DCC: variants seen among roughly 807,000 people sequenced by gnomAD.
DCC encodes DCC netrin 1 receptor, also known as netrin receptor DCC.
In DCC, 58 loss-of-function variants were observed where a neutral mutation model predicts 172.5. The observed-to-expected ratio is 0.34, with a 90% CI of 0.27 to 0.42. The LOEUF is 0.42. Among genes scored for constraint, DCC ranks in the 10% least tolerant of loss-of-function variants. The pLI is 1.00. For missense variants in DCC, 1,740 were observed against 1,791.0 expected (o/e 0.97, Z 0.51); for synonymous variants, 709 against 644.5 (o/e 1.10, Z -1.52).
intron 25 of DCC, among the ~76,000 whole-genome samples, chr18:53,475,812 A>G (rs1223477532): frequency 6.6e-6 from 1 of 152,124 alleles, no homozygotes; most frequent in South Asian, 2.1e-4. Context: ...AGACTCTGTA[A>G]TGGTAGATCC....
intron 1 of DCC, among the ~76,000 whole-genome samples, chr18:52,549,194 T>C (rs549929510): frequency 2.6e-5 from 4 of 152,204 alleles, no homozygotes; most frequent in African/African-American, 4.8e-5. Flanking sequence ...AATATATAGA[T>C]AAAAATTAAT....
At chr18:53,316,137 G>A (rs2057341092) in intron 13 of DCC, among the ~76,000 whole-genome samples, 1 of 152,180 alleles carries the variant, frequency 6.6e-6, no homozygotes, top group African/African-American at 2.4e-5. Context: ...CATATAAAGT[G>A]TAAGGAAGGG....
In DCC at chr18:52,719,195, A is replaced by G. The variant is rs372187797; in HGVS notation, c.92-32859A>G. 6.0e-4 allele frequency among the ~76,000 whole-genome samples: 74 copies of G among 124,288 alleles called. No individual in the cohort carries two copies. In the South Asian group the frequency reaches 8.0e-3, roughly 13 times the overall value. 81.5% of individuals were successfully genotyped at this position (124,288 alleles called of 152,430 possible). A position where few individuals can be genotyped will look rare whatever the true frequency, so the allele number is the denominator to read the frequency against. On this transcript the variant is annotated intron_variant, in intron 1 of 28. Transcript: ENST00000442544. ...TGGATTTAGGGCCTACCCTAAACACAGGATGATTTCATCCTGAGATCCTTA... is the reference window on the plus strand; with the variant it reads ...TGGATTTAGGGCCTACCCTAAACACGGGATGATTTCATCCTGAGATCCTTA...
chr18:53,163,369 AT>A (rs1478456093), intron 8 of DCC, among the ~76,000 whole-genome samples: 4 of 152,222 alleles, frequency 2.6e-5, no homozygotes, highest in Non-Finnish European at 2.9e-5. Context: ...TTAAAATTTT[AT>A]TCTAATATCT....
chr18:52,373,767 G>T (rs1250492213), intron 1 of DCC, among the ~76,000 whole-genome samples: 3 of 151,980 alleles, frequency 2.0e-5, no homozygotes, highest in Non-Finnish European at 1.5e-5. Context: ...TAGCCTAAAT[G>T]ATGCTAACAC....
At chr18:52,645,097 G>A (rs146225287) in intron 1 of DCC, among the ~76,000 whole-genome samples, 32 of 152,214 alleles carry the variant, frequency 2.1e-4, no homozygotes, top group Non-Finnish European at 4.0e-4. Context: ...TTTACATTGA[G>A]TTTTCTTGAG....
At chr18:53,265,739 T>C (rs1318370229) in intron 12 of DCC, among the ~76,000 whole-genome samples, 4 of 152,190 alleles carry the variant, frequency 2.6e-5, no homozygotes, top group African/African-American at 9.7e-5. Context: ...CTCCGATCTG[T>C]TATCTAGGGC....
At chr18:53,100,444 A>AAGGAGAAAGAAACTGTTC (rs2043154523) in intron 7 of DCC, among the ~76,000 whole-genome samples, 1 of 152,116 alleles carries the variant, frequency 6.6e-6, no homozygotes, top group Non-Finnish European at 1.5e-5. Flanking sequence ...AATAAATAGA[A>AAGGAGAAAGAAACTGTTC]AGGAGAAAGA....
intron 7 of DCC, among the ~76,000 whole-genome samples, chr18:53,088,084 G>A (rs1409303937): frequency 5.3e-5 from 8 of 152,106 alleles, no homozygotes; most frequent in African/African-American, 1.2e-4. Context: ...TTAGCGATGC[G>A]GGCTCTTTTT....
At chr18:52,855,567 G>C (rs2039038484) in intron 2 of DCC, among the ~76,000 whole-genome samples, 1 of 152,142 alleles carries the variant, frequency 6.6e-6, no homozygotes, top group East Asian at 1.9e-4. Flanking sequence ...TTTGATACCA[G>C]AGAGAAAGGC....
At chr18:52,462,814 A>G (rs1988672091) in intron 1 of DCC, among the ~76,000 whole-genome samples, 1 of 152,112 alleles carries the variant, frequency 6.6e-6, no homozygotes, top group Admixed American at 6.6e-5. Flanking sequence ...GTGCTGGCAC[A>G]GGTGCTGGCA....
chr18:53,378,505 T>A (rs1430253179), intron 15 of DCC, among the ~76,000 whole-genome samples: 1 of 152,232 alleles, frequency 6.6e-6, no homozygotes, highest in Non-Finnish European at 1.5e-5. Context: ...ATTCATTTTT[T>A]CACACACCTA....
At position 52,432,226 on chromosome 18, in the gene DCC, C is replaced by G. The variant is rs904988366; in HGVS notation, c.91+91348C>G. On this transcript the variant is annotated intron_variant, in intron 1 of 28. Transcript: ENST00000442544. The stretch of plus-strand genomic sequence containing the variant: ...GTGTCTTGTTGGTTATTTAATAATG[C>G]ATGGCTCTCATGATCAGGAGTGGAG... Among the ~76,000 whole-genome samples, 4 of 152,094 alleles carry G rather than the reference C, an allele frequency of 2.6e-5. No individual in the cohort carries two copies. In the East Asian group the frequency reaches 7.7e-4, roughly 29 times the overall value.
chr18:52,946,925 CA>C (rs1485553091), intron 5 of DCC, among the ~76,000 whole-genome samples: 1 of 152,104 alleles, frequency 6.6e-6, no homozygotes, highest in African/African-American at 2.4e-5. Flanking sequence ...AAAATCAACG[CA>C]AACATCCATA....
At chr18:52,494,292 GTC>G (rs1555689247) in intron 1 of DCC, among the ~76,000 whole-genome samples, 3 of 149,208 alleles carry the variant, frequency 2.0e-5, no homozygotes, top group African/African-American at 7.4e-5. Context: ...GTGTGTGTGT[GTC>G]TGTGCCTGTG....
At chr18:52,502,536 A>T (rs2031064762) in intron 1 of DCC, among the ~76,000 whole-genome samples, 1 of 152,198 alleles carries the variant, frequency 6.6e-6, no homozygotes, top group Admixed American at 6.5e-5. Context: ...TGATTGTTAT[A>T]ATGATAAGAT....
At chr18:53,410,717 T>C in intron 20 of DCC, 71 bp downstream of exon 20, 1 of 952,500 alleles carries the variant, frequency 1.0e-6, no homozygotes, top group East Asian at 2.4e-5. Context: ...CACTCTGTGT[T>C]AGAAATGGCC....
intron 15 of DCC, among the ~76,000 whole-genome samples, chr18:53,348,692 A>G (rs888171651): frequency 6.6e-6 from 1 of 152,112 alleles, no homozygotes; most frequent in African/African-American, 2.4e-5. Context: ...ACTTCTGTGC[A>G]CTGGCAGGCT....
intron 1 of DCC, among the ~76,000 whole-genome samples, chr18:52,415,805 T>C (rs980512230): frequency 3.3e-5 from 5 of 152,226 alleles, no homozygotes; most frequent in Admixed American, 2.0e-4. Context: ...TCAATTTTGT[T>C]GATCCTTTCA....
Sources: allele counts gnomAD v4.1 joint callset (sites outside exome capture counted in the v4.1 genomes callset), GRCh38; gene constraint gnomAD v4.1.1; transcripts MANE v1.5; gene names NCBI Gene and HGNC (gene_info 2026-07-23, HGNC 2026-07-21).